Variants in NCKAP5 observed in about 807,000 individuals in gnomAD.
NCKAP5 encodes NCK associated protein 5, also known as nck-associated protein 5.
NCKAP5 carries 92 observed loss-of-function variants against 167.0 expected under a neutral mutation model. The observed-to-expected ratio is 0.55, with a 90% confidence interval of 0.47 to 0.66. NCKAP5 has a LOEUF of 0.66. Among genes scored for constraint, NCKAP5 ranks in the 30% least tolerant of loss-of-function variants. The pLI is 0.00. For missense variants in NCKAP5, 2,378 were observed against 2,315.0 expected (o/e 1.03, Z -0.56); for synonymous variants, 891 against 877.4 (o/e 1.02, Z -0.27).
rs67190492 is a variant in NCKAP5 at position 132,700,930 on chromosome 2, CGG to C, written c.5713+24695_5713+24696del. ...TGCATGCTGGTTACAATCCCCTGGG[CGG>C]GGGGGGGGGCTTTTAAGCAATACTA... is the stretch of plus-strand genomic sequence containing the variant. On this transcript the variant is annotated intron_variant, in intron 19 of 19. Transcript: ENST00000409261. 1.0e-3 allele frequency among the ~76,000 whole-genome samples: 115 copies of C among 113,204 alleles called. 3 individuals carry two copies. The highest frequency in any genetic ancestry group is 3.8e-3 in the African/African-American group (100 of 26,636). The allele number at this position is 113,204 out of a possible 152,430, so 74.3% of individuals were successfully genotyped here. A position where few individuals can be genotyped will look rare whatever the true frequency, so the allele number is the denominator to read the frequency against.
At chr2:133,402,026 G>T (rs1163874436) in intron 3 of NCKAP5, among the ~76,000 whole-genome samples, 2 of 152,264 alleles carry the variant, frequency 1.3e-5, no homozygotes, top group East Asian at 1.9e-4. Context: ...CTTCCAGGGG[G>T]ATGTCACCCT....
chr2:133,634,481 C>T, the NCKAP5 span, among the ~76,000 whole-genome samples: 3 of 152,316 alleles, frequency 2.0e-5, no homozygotes, highest in African/African-American at 7.2e-5. Flanking sequence ...TCTTTCAATA[C>T]AGGACTACTT....
At chr2:133,304,807 A>G (rs1294379441) in intron 3 of NCKAP5, among the ~76,000 whole-genome samples, 1 of 152,204 alleles carries the variant, frequency 6.6e-6, no homozygotes, top group Non-Finnish European at 1.5e-5. Context: ...GCCCTCAAGG[A>G]GCTTACAGTC....
chr2:132,709,154 C>A (rs6748805), intron 19 of NCKAP5, among the ~76,000 whole-genome samples: 3 of 151,656 alleles, frequency 2.0e-5, no homozygotes, highest in Non-Finnish European at 4.4e-5. Flanking sequence ...TACACCCCCC[C>A]ACCAAACCAA....
intron 6 of NCKAP5, among the ~76,000 whole-genome samples, chr2:133,088,954 A>C (rs6720246): frequency 0.26 from 40,134 of 152,112 alleles, 5,729 homozygotes; most frequent in Non-Finnish European, 0.32. Flanking sequence ...AAAACTAATA[A>C]AACAGACCAG....
chr2:132,880,283 G>T (rs577367757), intron 8 of NCKAP5, among the ~76,000 whole-genome samples: 1 of 152,128 alleles, frequency 6.6e-6, no homozygotes, highest in African/African-American at 2.4e-5. Flanking sequence ...TAACAACAAC[G>T]TATTGAATAT....
chr2:133,030,256 T>A (rs1004613786), intron 6 of NCKAP5, among the ~76,000 whole-genome samples: 4 of 152,162 alleles, frequency 2.6e-5, no homozygotes, highest in Non-Finnish European at 5.9e-5. Flanking sequence ...TGATGAAGTA[T>A]TCTGGGGAGG....
At position 133,338,030 on chromosome 2, in the gene NCKAP5, A is replaced by C. The variant is rs184342624; in HGVS notation, c.70-34920T>G. ...AAACATTTGAATCAAACATTCAAAA[A>C]CTCTAGATTTTAATATTAGCAAATA... On this transcript the variant is annotated intron_variant, in intron 3 of 19. Transcript: ENST00000409261. Among the ~76,000 whole-genome samples, 55 of 152,366 alleles carry C rather than the reference A, an allele frequency of 3.6e-4. 1 individual carries two copies. In the Middle Eastern group the frequency reaches 0.027, roughly 75 times the overall value.
the NCKAP5 span, among the ~76,000 whole-genome samples, chr2:133,611,270 AC>A: frequency 2.1e-3 from 267 of 126,416 alleles, 4 homozygotes; most frequent in Admixed American, 0.02. Flanking sequence ...TCCACCCGCC[AC>A]CCGCCACCAC....
intron 8 of NCKAP5, among the ~76,000 whole-genome samples, chr2:132,921,576 C>A (rs1221013116): frequency 6.6e-6 from 1 of 152,154 alleles, no homozygotes; most frequent in African/African-American, 2.4e-5. Flanking sequence ...GGAGGGATAT[C>A]TAACCTAGTC....
intron 6 of NCKAP5, among the ~76,000 whole-genome samples, chr2:133,104,101 C>A (rs2081605365): frequency 2.0e-5 from 3 of 151,146 alleles, no homozygotes; most frequent in Admixed American, 2.0e-4. Flanking sequence ...ACCTTCTTGA[C>A]CTGAAACAAA....
intron 19 of NCKAP5, among the ~76,000 whole-genome samples, chr2:132,693,919 C>T (rs914384349): frequency 1.1e-4 from 17 of 151,914 alleles, no homozygotes; most frequent in African/African-American, 3.9e-4. Flanking sequence ...CCACCGCGCC[C>T]AGCCCCTTTC....
chr2:133,543,317 CA>C (rs1686382094), intron 2 of NCKAP5, among the ~76,000 whole-genome samples: 2 of 152,158 alleles, frequency 1.3e-5, no homozygotes, highest in Non-Finnish European at 2.9e-5. Context: ...CAGATGCTGG[CA>C]CCATGCTTGT....
chr2:133,544,092 G>A (rs975187804), intron 2 of NCKAP5, among the ~76,000 whole-genome samples: 4 of 152,186 alleles, frequency 2.6e-5, no homozygotes, highest in Admixed American at 6.5e-5. Context: ...TCTTAACAGC[G>A]TTGATTTGTA....
In NCKAP5 at chr2:133,324,131, G is replaced by A. The variant is rs144451089; in HGVS notation, c.70-21021C>T. ...AAGTCTGAGATGAAAACTTAAAGAA[G>A]GCTAGACTGCATGAAATTTACCTCA... On this transcript the variant is annotated intron_variant, in intron 3 of 19. Transcript: ENST00000409261. Among the ~76,000 whole-genome samples the A allele has an allele frequency of 2.2e-4, 33 of 152,306 alleles. 1 individual carries two copies. The South Asian group carries it at 6.8e-3, about 32-fold the overall frequency.
At chr2:133,226,448 A>C (rs1337567102) in intron 4 of NCKAP5, among the ~76,000 whole-genome samples, 1 of 152,090 alleles carries the variant, frequency 6.6e-6, no homozygotes, top group African/African-American at 2.4e-5. Flanking sequence ...AGTGTCCCCC[A>C]AAAATGCATA....
At chr2:133,296,577 A>G (rs1679976462) in intron 4 of NCKAP5, among the ~76,000 whole-genome samples, 1 of 152,242 alleles carries the variant, frequency 6.6e-6, no homozygotes, top group Non-Finnish European at 1.5e-5. Context: ...ATGTAGCTGT[A>G]TCATTGCATA....
chr2:132,930,109 A>T (rs1696251000), intron 8 of NCKAP5: 1 of 152,194 alleles, frequency 6.6e-6, no homozygotes. Flanking sequence ...GGTCCCCGTA[A>T]CAAATCTCAT....
At chr2:133,452,728 A>G (rs1418360279) in intron 3 of NCKAP5, among the ~76,000 whole-genome samples, 1 of 152,154 alleles carries the variant, frequency 6.6e-6, no homozygotes, top group African/African-American at 2.4e-5. Context: ...CAGGAGTTAG[A>G]CTGTGAAACA....
Sources: gnomAD v4.1 joint callset for allele counts (sites outside exome capture counted in the v4.1 genomes callset) on GRCh38, gnomAD v4.1.1 for gene constraint, MANE v1.5 for transcripts, NCBI Gene and HGNC (gene_info 2026-07-23, HGNC 2026-07-21) for gene names.